IRF5: variants seen among roughly 807,000 people sequenced by gnomAD.
IRF5 encodes interferon regulatory factor 5.
A neutral mutation model predicts 55.1 loss-of-function variants in IRF5; 24 were observed. The ratio of observed to expected loss-of-function variants is 0.44; its 90% CI spans 0.32 to 0.61. The LOEUF is 0.61. Ranked by LOEUF, IRF5 falls within the 20% of genes least tolerant of loss-of-function variation. The pLI is 0.07. For missense variants in IRF5, 499 were observed against 658.5 expected (o/e 0.76, Z 2.65); for synonymous variants, 258 against 260.2 (o/e 0.99, Z 0.08).
In IRF5 at chr7:128,946,509, C is replaced by A. The variant is rs749129718; in HGVS notation, c.394C>A (p.Pro132Thr). The change falls in exon 4 of 9, where the codon CCC (proline) becomes ACC (threonine). Residue 132 changes from proline (P) to threonine (T), a missense_variant. Around this residue, in one of 2 missense-constraint regions of IRF5, gnomAD observed 305 missense variants for 340.2 expected, o/e 0.90. Transcript: ENST00000357234. The surrounding 1 kb of genome is among the most constrained non-coding windows in gnomAD (Gnocchi z 4.2). ...CTCTCCCTGCTGTGCAGACTCCCAG[C>A]CCCCTGAGGATTACTCTTTTGGTGC... The part of the protein sequence containing the change: ...SNGPAPTDSQ[P>T]PEDYSFGAGE... 5 of 1,607,416 alleles carry A rather than the reference C, an allele frequency of 3.1e-6. No individual in the cohort carries two copies. Among genetic ancestry groups the A allele is most frequent in the Non-Finnish European group, 4.2e-6 (5 of 1,177,214 alleles).
chr7:128,942,805 A>G (rs1291745923), intron 2 of IRF5, among the ~76,000 whole-genome samples: 1 of 152,180 alleles, frequency 6.6e-6, no homozygotes, highest in Non-Finnish European at 1.5e-5. Flanking sequence ...TTTTATTTTT[A>G]AATTAGTATA....
rs768969857 is a variant in IRF5 at position 128,945,994 on chromosome 7, C to T, written c.345C>T (p.Tyr115=). 2 of 1,611,564 alleles carry T rather than the reference C, an allele frequency of 1.2e-6. No individual in the cohort carries two copies. Among genetic ancestry groups the T allele is most frequent in the Non-Finnish European group, 1.7e-6 (2 of 1,179,336 alleles). The change falls in exon 3 of 9, where the codon TAC becomes TAT. Residue 115 remains tyrosine (Y), a synonymous_variant. Transcript: ENST00000357234. The part of the protein sequence containing the change: ...DGPRDMPPQP[Y]KIYEVCSNGP... ...CCCGGGACATGCCACCTCAGCCCTA[C>T]AAGATCTACGAGGTCTGCTCCAATG...
Position 128,943,707 on chromosome 7 carries a change from A to ATTTTT in IRF5, c.195+1462_195+1466dup, listed in dbSNP as rs61451031. Reference sequence around the variant, plus strand: ...AGGCACCTGCCACCATGCCCGGCTAATTTTTTTTTTTTTTTTTTTTTTTTT... The same window carrying ATTTTT: ...AGGCACCTGCCACCATGCCCGGCTAATTTTTTTTTTTTTTTTTTTTTTTTTTTTTT... On this transcript the variant is annotated intron_variant, in intron 2 of 8. Transcript: ENST00000357234. Among the ~76,000 whole-genome samples, 404 of 71,890 alleles carry ATTTTT rather than the reference A, an allele frequency of 5.6e-3. 5 individuals are homozygous for ATTTTT. Among genetic ancestry groups the ATTTTT allele is most frequent in the East Asian group, 0.011 (18 of 1,588 alleles). The allele number at this position is 71,890 out of a possible 152,430, so 47.2% of individuals were successfully genotyped here.
Position 128,948,051 on chromosome 7 carries a change from T to C in IRF5, c.1110T>C (p.His370=), listed in dbSNP as rs763765428. 1 of 1,614,142 alleles carries C rather than the reference T, an allele frequency of 6.2e-7. No homozygotes were observed. Among genetic ancestry groups the C allele is most frequent in the Non-Finnish European group, 8.5e-7 (1 of 1,180,008 alleles). ...GGAGCGGGCCTTGTGCCTCAGCCCA[T>C]GACTCATGCCCCAACCCCATCCAGC... The part of the protein sequence containing the change: ...VFWSGPCASA[H]DSCPNPIQRE... Residue 370 remains histidine (H), a synonymous_variant, in exon 7 of 9, where the codon CAT becomes CAC. Coordinates refer to ENST00000357234, the MANE Select transcript of IRF5 (RefSeq NM_001098629.3). This position sits in a 1 kb window ranked among gnomAD's most constrained non-coding sequence, Gnocchi z 4.6.
At chr7:128,938,426 G>A (rs1370554239) in intron 1 of IRF5, among the ~76,000 whole-genome samples, 1 of 152,230 alleles carries the variant, frequency 6.6e-6, no homozygotes, top group Non-Finnish European at 1.5e-5. Flanking sequence ...CCCAGAATGG[G>A]GGTTCCCGGG....
upstream of IRF5, among the ~76,000 whole-genome samples, chr7:128,937,047 T>G (rs1029140818): frequency 2.0e-5 from 3 of 152,218 alleles, no homozygotes; most frequent in Non-Finnish European, 4.4e-5. Context: ...TGATAGGCTT[T>G]CTGTGCGGTG....
intron 2 of IRF5, among the ~76,000 whole-genome samples, chr7:128,945,325 C>T (rs1352144045): frequency 2.0e-5 from 3 of 152,278 alleles, no homozygotes; most frequent in African/African-American, 7.2e-5. Flanking sequence ...AGGCTGGACT[C>T]CAACTCCTGG....
intron 1 of IRF5, 113 bp from the exon 2 acceptor site, chr7:128,941,958 T>G (rs1182338672): frequency 1.4e-6 from 1 of 727,008 alleles, no homozygotes; most frequent in African/African-American, 1.8e-5. Context: ...TGGCCTTAAA[T>G]ACCTAGATGG....
In IRF5 at chr7:128,949,159, C is replaced by T. The variant is rs1055054700; in HGVS notation, c.*341C>T. The T allele has an allele frequency of 3.7e-6, 1 of 267,884 alleles. No homozygotes were observed. The highest frequency in any genetic ancestry group is 2.2e-5 in the African/African-American group (1 of 45,466). 16.6% of individuals were successfully genotyped at this position (267,884 alleles called of 1,614,324 possible). ...CCCCATTTCCTCTGGCAACAAAAGC[C>T]AGAGTGTTGTGGGCCAAGTCCCCCC... On this transcript the variant is annotated 3_prime_UTR_variant, in exon 9 of 9. Transcript: ENST00000357234.
At chr7:128,945,781 G>A (rs1159883485) in intron 2 of IRF5, 64 bp from the exon 3 acceptor site, 1 of 1,511,052 alleles carries the variant, frequency 6.6e-7, no homozygotes, top group Non-Finnish European at 9.0e-7. Context: ...TATGGGACAG[G>A]AGGCAGACTG....
At chr7:128,938,612 G>T (rs989862793) in intron 1 of IRF5, among the ~76,000 whole-genome samples, 15 of 152,234 alleles carry the variant, frequency 9.9e-5, no homozygotes, top group African/African-American at 3.6e-4. Flanking sequence ...AGAGTTTGGG[G>T]GAAGATGGTG....
In IRF5 at chr7:128,948,401, G is replaced by C; in HGVS notation, c.1299+73G>C. The C allele has an allele frequency of 6.8e-7, 1 of 1,475,120 alleles. No individual in the cohort carries two copies. Among genetic ancestry groups the C allele is most frequent in the Non-Finnish European group, 9.2e-7 (1 of 1,087,780 alleles). 91.4% of individuals were successfully genotyped at this position (1,475,120 alleles called of 1,614,324 possible). ...ATCCTGGGGCTAGGCCCTTGCCCCA[G>C]GCTGGAGGCTCAGGGCTCCCTGAGC... On this transcript the variant is annotated intron_variant, in intron 8 of 8. Coordinates refer to ENST00000357234, the MANE Select transcript of IRF5 (RefSeq NM_001098629.3). The surrounding 1 kb of genome is among the most constrained non-coding windows in gnomAD (Gnocchi z 4.6).
chr7:128,941,327 C>T (rs553811571), intron 1 of IRF5: 5 of 152,538 alleles, frequency 3.3e-5, no homozygotes, highest in Non-Finnish European at 5.9e-5. Flanking sequence ...AAGTGCTACC[C>T]GAATGCGTGT....
In IRF5 at chr7:128,946,817, AT is replaced by A; in HGVS notation, c.448-205del. ...AGGTCTGACTCCCTGCAGAAGGCAAATGAGGAAAGTGAGGCAAAGGGCTTTT... is the reference window on the plus strand; with the variant it reads ...AGGTCTGACTCCCTGCAGAAGGCAAAGAGGAAAGTGAGGCAAAGGGCTTTT... On this transcript the variant is annotated intron_variant, in intron 4 of 8. Transcript: ENST00000357234. This position sits in a 1 kb window ranked among gnomAD's most constrained non-coding sequence, Gnocchi z 4.2. 1.5e-6 allele frequency: 1 copy of A among 681,140 alleles called. No homozygotes were observed. The highest frequency in any genetic ancestry group is 2.6e-6 in the Non-Finnish European group (1 of 388,360). The allele number at this position is 681,140 out of a possible 1,614,324, so 42.2% of individuals were successfully genotyped here. A position where few individuals can be genotyped will look rare whatever the true frequency, so the allele number is the denominator to read the frequency against.
At position 128,947,526 on chromosome 7, in the gene IRF5, A is replaced by G. The variant is rs965400346; in HGVS notation, c.778A>G (p.Met260Val). 1.3e-6 allele frequency: 2 copies of G among 1,562,674 alleles called. No individual in the cohort carries two copies. The highest frequency in any genetic ancestry group is 1.4e-5 in the African/African-American group (1 of 73,182). Residue 260 changes from methionine (M) to valine (V), a missense_variant, in exon 6 of 9, where the codon ATG (methionine) becomes GTG (valine). Met to Val is a conservative substitution (Grantham distance 21). This residue lies in a region of IRF5 where 305 missense variants were observed against 340.2 expected (regional missense o/e 0.90). Transcript: ENST00000357234. This position sits in a 1 kb window ranked among gnomAD's most constrained non-coding sequence, Gnocchi z 6.5. The stretch of plus-strand genomic sequence containing the variant: ...GCCAGACCTGCTGATCAGCCCCCAC[A>G]TGCTGCCTCGTAAGGACCCATGGCT... ...LLPDLLISPH[M>V]LPLTDLEIKF...
chr7:128,939,871 A>G (rs1159573642), intron 1 of IRF5, among the ~76,000 whole-genome samples: 1 of 152,230 alleles, frequency 6.6e-6, no homozygotes, highest in Non-Finnish European at 1.5e-5. Context: ...CATTTCACCC[A>G]GAGACTCCGG....
At position 128,947,313 on chromosome 7, in the gene IRF5, ACTCTGCGGCCGCCT is replaced by A; in HGVS notation, c.566_579del (p.Thr189AsnfsTer39). 2 of 417,826 alleles carry A rather than the reference ACTCTGCGGCCGCCT, an allele frequency of 4.8e-6. No individual in the cohort carries two copies. Among genetic ancestry groups the A allele is most frequent in the Non-Finnish European group, 6.8e-6 (2 of 295,136 alleles). The allele number at this position is 417,826 out of a possible 1,614,324, so 25.9% of individuals were successfully genotyped here. ...GTGGCCGCCCACTCTGCAGCCGCCC[ACTCTGCGGCCGCCT>A]ACTCTGCAGCCGCCCACTCTGCAGC... On this transcript the variant is annotated frameshift_variant, in exon 6 of 9. Transcript: ENST00000357234. LOFTEE classifies it high-confidence loss of function. The surrounding 1 kb of genome is among the most constrained non-coding windows in gnomAD (Gnocchi z 6.5).
chr7:128,939,768 G>A (rs1466102575), intron 1 of IRF5, among the ~76,000 whole-genome samples: 1 of 152,186 alleles, frequency 6.6e-6, no homozygotes, highest in African/African-American at 2.4e-5. Flanking sequence ...TGGATGCTTC[G>A]CTGCCTCACA....
rs1447738093 is a variant in IRF5 at position 128,947,814 on chromosome 7, C to T, written c.873C>T (p.Phe291=). The change falls in exon 7 of 9, where the codon TTC becomes TTT. Residue 291 remains phenylalanine (F), a synonymous_variant. Coordinates refer to ENST00000357234, the MANE Select transcript of IRF5 (RefSeq NM_001098629.3). This position sits in a 1 kb window ranked among gnomAD's most constrained non-coding sequence, Gnocchi z 6.5. ...GCAACCCCCATGGCTGCCGGCTCTT[C>T]TACAGCCAGCTGGAGGCCACCCAGG... ...TISNPHGCRL[F]YSQLEATQEQ... is the part of the protein sequence containing the mutation. 4 of 1,613,704 alleles carry T rather than the reference C, an allele frequency of 2.5e-6. No individual in the cohort carries two copies. The highest frequency in any genetic ancestry group is 1.6e-4 in the Middle Eastern group (1 of 6,082).
Sources: allele counts gnomAD v4.1 joint callset (sites outside exome capture counted in the v4.1 genomes callset), GRCh38; gene constraint gnomAD v4.1.1; regional missense constraint gnomAD v4.1.1; non-coding constraint Gnocchi (gnomAD v3.1); transcripts MANE v1.5; gene names NCBI Gene and HGNC (gene_info 2026-07-23, HGNC 2026-07-21).